MRPS9: variants seen among roughly 807,000 people sequenced by gnomAD.
MRPS9 encodes small ribosomal subunit protein uS9m.
A neutral mutation model predicts 59.9 loss-of-function variants in MRPS9; 45 were observed. That is an observed-to-expected ratio of 0.75 (90% CI 0.59 to 0.96). The LOEUF (loss-of-function observed/expected upper bound fraction) is 0.96. Ranked by LOEUF, MRPS9 falls within the 40% of genes least tolerant of loss-of-function variation. MRPS9 has a pLI of 0.00. For missense variants in MRPS9, 473 were observed against 481.1 expected, an observed-to-expected ratio of 0.98 and a Z score of 0.16; for synonymous variants, 171 against 166.8, an observed-to-expected ratio of 1.03 and a Z score of -0.19.
chr2:105,084,247 A>AATATAGATATAT (rs754016660), intron 5 of MRPS9, among the ~76,000 whole-genome samples: 5 of 139,590 alleles, frequency 3.6e-5, no homozygotes, highest in Admixed American at 7.2e-5. Flanking sequence ...TATATACCAA[A>AATATAGATATAT]ATATATATAT....
intron 8 of MRPS9, 127 bp downstream of exon 8, chr2:105,092,696 GGA>G (rs1189690909): frequency 1.2e-6 from 1 of 869,322 alleles, no homozygotes; most frequent in Non-Finnish European, 1.7e-6. Flanking sequence ...CCGTTACTTT[GGA>G]TTTCCTAATT....
At chr2:105,067,533 G>A (rs1248468776) in intron 2 of MRPS9, among the ~76,000 whole-genome samples, 1 of 152,110 alleles carries the variant, frequency 6.6e-6, no homozygotes, top group Non-Finnish European at 1.5e-5. Context: ...CCAGTCTATA[G>A]GGTAATATTC....
At chr2:105,096,972 C>A in intron 9 of MRPS9, 183 bp from the exon 10 acceptor site, 1 of 531,860 alleles carries the variant, frequency 1.9e-6, no homozygotes. Flanking sequence ...CTCAGCAAAT[C>A]ATTCAAAATG....
rs576934867 is a variant in MRPS9 at position 105,087,242 on chromosome 2, A to G, written c.490-1742A>G. ...TTTGTTTGTCTTCTAATTGTCAGAT[A>G]CATTCCTCTGCTGCTGCAGGTGATG... On this transcript the variant is annotated intron_variant, in intron 5 of 10. Transcript: ENST00000258455. Among the ~76,000 whole-genome samples, 5 of 152,148 alleles carry G rather than the reference A, an allele frequency of 3.3e-5. No individual in the cohort carries two copies. In the South Asian group the frequency reaches 6.2e-4, roughly 19 times the overall value.
At position 105,097,177 on chromosome 2, in the gene MRPS9, C is replaced by T; in HGVS notation, c.952C>T (p.His318Tyr). 2 of 1,586,454 alleles carry T rather than the reference C, an allele frequency of 1.3e-6. No individual in the cohort carries two copies. Among genetic ancestry groups the T allele is most frequent in the Non-Finnish European group, 1.7e-6 (2 of 1,166,732 alleles). The change falls in exon 10 of 11, where the codon CAC becomes TAC. Residue 318 changes from histidine to tyrosine, a missense_variant. By Grantham distance (83) the His-to-Tyr change is moderately conservative. Coordinates refer to ENST00000258455, the MANE Select transcript of MRPS9 (RefSeq NM_182640.3). ...TAGAGAACAGCTGATGTTCCCTTTC[C>T]ACTTTGTTGACCGGCTGGGAAAGCA... is the stretch of plus-strand genomic sequence containing the variant. ...QDREQLMFPF[H>Y]FVDRLGKHDV...
intron 5 of MRPS9, among the ~76,000 whole-genome samples, chr2:105,080,927 C>T (rs541014787): frequency 4.8e-4 from 73 of 151,826 alleles, no homozygotes; most frequent in African/African-American, 1.7e-3. Context: ...AAAAAACAAC[C>T]TTCTTTTCGC....
chr2:105,041,336 T>C (rs1402711400), intron 1 of MRPS9, among the ~76,000 whole-genome samples: 3 of 152,192 alleles, frequency 2.0e-5, no homozygotes, highest in African/African-American at 7.2e-5. Flanking sequence ...AAAACACTAA[T>C]AGGGTGTTTT....
chr2:105,097,539 CACACTGA>C, intron 10 of MRPS9: 1 of 415,356 alleles, frequency 2.4e-6, no homozygotes, highest in Non-Finnish European at 4.0e-6. Context: ...GAGAACTCCC[CACACTGA>C]TTATTTGAGC....
intron 2 of MRPS9, among the ~76,000 whole-genome samples, chr2:105,056,669 C>G (rs1216271150): frequency 6.6e-6 from 1 of 152,160 alleles, no homozygotes; most frequent in Non-Finnish European, 1.5e-5. Context: ...TCATTGATTT[C>G]CAGTTTTACA....
chr2:105,092,155 A>G (rs1475264200), intron 7 of MRPS9: 2 of 396,828 alleles, frequency 5.0e-6, no homozygotes, highest in Non-Finnish European at 9.0e-6. Context: ...TAATACAGAG[A>G]AATTGATTTT....
At chr2:105,054,282 T>C (rs1004101500) in intron 2 of MRPS9, among the ~76,000 whole-genome samples, 4 of 152,244 alleles carry the variant, frequency 2.6e-5, no homozygotes, top group African/African-American at 7.2e-5. Context: ...GGAATCATTC[T>C]CCAGTTCTCT....
chr2:105,063,915 C>G (rs567307535), intron 2 of MRPS9, among the ~76,000 whole-genome samples: 2 of 152,244 alleles, frequency 1.3e-5, no homozygotes, highest in East Asian at 1.9e-4. Flanking sequence ...AAAAACACAC[C>G]TGCAGACACG....
intron 5 of MRPS9, among the ~76,000 whole-genome samples, chr2:105,085,730 G>A (rs1290007886): frequency 6.6e-6 from 1 of 152,126 alleles, no homozygotes; most frequent in Non-Finnish European, 1.5e-5. Context: ...TCATAGCTGT[G>A]ATTAATGATT....
chr2:105,078,315 AGTGTGTGT>A (rs71250682), intron 4 of MRPS9, among the ~76,000 whole-genome samples: 6 of 147,464 alleles, frequency 4.1e-5, no homozygotes, highest in African/African-American at 1.3e-4. Flanking sequence ...GGTGAAGTCA[AGTGTGTGT>A]GTGTGTGTGT....
chr2:105,097,631 A>C (rs1680695331), intron 10 of MRPS9, among the ~76,000 whole-genome samples: 1 of 152,252 alleles, frequency 6.6e-6, no homozygotes. Context: ...TATCCAGCTT[A>C]ACAAAGTGCT....
chr2:105,052,402 T>C (rs987738514), intron 2 of MRPS9, among the ~76,000 whole-genome samples: 2 of 152,220 alleles, frequency 1.3e-5, no homozygotes, highest in African/African-American at 4.8e-5. Context: ...TTGGTTTTTG[T>C]CTTTTGTTCT....
At chr2:105,087,785 C>CCTTTTT (rs1680477213) in intron 5 of MRPS9, among the ~76,000 whole-genome samples, 4 of 99,012 alleles carry the variant, frequency 4.0e-5, no homozygotes, top group African/African-American at 1.4e-4. Context: ...CCCTCCCTCC[C>CCTTTTT]TCCCTCCTGC....
At chr2:105,090,145 AC>A (rs1365016228) in intron 7 of MRPS9, 150 bp downstream of exon 7, 1 of 482,070 alleles carries the variant, frequency 2.1e-6, no homozygotes, top group African/African-American at 2.0e-5. Flanking sequence ...ACAAAACAAA[AC>A]AAAAAAACAA....
chr2:105,085,693 G>A (rs1294804618), intron 5 of MRPS9, among the ~76,000 whole-genome samples: 1 of 152,084 alleles, frequency 6.6e-6, no homozygotes, highest in Non-Finnish European at 1.5e-5. Flanking sequence ...GGGTGGATAG[G>A]CTTGCTTTGA....
Sources: allele counts gnomAD v4.1 joint callset (sites outside exome capture counted in the v4.1 genomes callset), GRCh38; gene constraint gnomAD v4.1.1; transcripts MANE v1.5; gene names NCBI Gene and HGNC (gene_info 2026-07-23, HGNC 2026-07-21).